TGFB2: variants seen among roughly 807,000 people sequenced by gnomAD.
TGFB2 encodes transforming growth factor beta 2.
A neutral mutation model predicts 42.7 loss-of-function variants in TGFB2; 13 were observed. That is an observed-to-expected ratio of 0.30 (90% CI 0.20 to 0.48). TGFB2 has a LOEUF of 0.48. Ranked by LOEUF, TGFB2 falls within the 20% of genes least tolerant of loss-of-function variation. TGFB2 has a pLI of 0.99. For missense variants in TGFB2, 390 were observed against 517.5 expected (o/e 0.75, Z 2.39); for synonymous variants, 193 against 193.6 (o/e 1.00, Z 0.03).
intron 1 of TGFB2, among the ~76,000 whole-genome samples, chr1:218,385,052 G>A (rs1340914595): frequency 6.6e-6 from 1 of 152,200 alleles, no homozygotes; most frequent in African/African-American, 2.4e-5. Flanking sequence ...TGGGATGGGT[G>A]TGGTGAGTGG....
At chr1:218,383,634 G>A (rs1482565082) in intron 1 of TGFB2, among the ~76,000 whole-genome samples, 1 of 152,172 alleles carries the variant, frequency 6.6e-6, no homozygotes. Context: ...GGCAGTCCTT[G>A]CAGAAGCCCT....
chr1:218,441,004 G>A (rs535314191), intron 6 of TGFB2, among the ~76,000 whole-genome samples, 200 bp from the exon 7 acceptor site: 5 of 152,304 alleles, frequency 3.3e-5, no homozygotes, highest in Non-Finnish European at 5.9e-5. Context: ...AACGAGTTCC[G>A]TGTGGGAAAA....
chr1:218,437,508 G>A lies in TGFB2; in HGVS notation c.1086+12G>A. The A allele has an allele frequency of 6.2e-7, 1 of 1,602,538 alleles. No individual in the cohort carries two copies. The highest frequency in any genetic ancestry group is 1.1e-5 in the South Asian group (1 of 88,150). Reference sequence around the variant, plus strand: ...CTCAGCACAGCAGGGTGAGTGTTCAGCTTACCTGTTGCCTCTGTTCTTGGG... The same window carrying A: ...CTCAGCACAGCAGGGTGAGTGTTCAACTTACCTGTTGCCTCTGTTCTTGGG... On this transcript the variant is annotated intron_variant, in intron 6 of 6. Transcript: ENST00000366930.
At chr1:218,436,491 C>A (rs899974701) in intron 5 of TGFB2, among the ~76,000 whole-genome samples, 11 of 152,292 alleles carry the variant, frequency 7.2e-5, no homozygotes, top group Admixed American at 7.2e-4. Context: ...TTAAGAAAGA[C>A]CCACCATCTG....
intron 1 of TGFB2, among the ~76,000 whole-genome samples, chr1:218,383,019 A>T (rs1168865807): frequency 1.3e-4 from 20 of 152,352 alleles, no homozygotes; most frequent in Admixed American, 1.3e-3. Context: ...GCCTACTGTA[A>T]ATTCTTTTTG....
rs59224313 is a variant in TGFB2, at chr1:218,379,487, CTT to C, written c.347-25669_347-25668del. Among the ~76,000 whole-genome samples the C allele has an allele frequency of 3.6e-3, 477 of 133,390 alleles. 2 individuals carry two copies. Among genetic ancestry groups the C allele is most frequent in the African/African-American group, 0.013 (458 of 36,280 alleles). 87.5% of individuals were successfully genotyped at this position (133,390 alleles called of 152,430 possible). On this transcript the variant is annotated intron_variant, in intron 1 of 6. Transcript: ENST00000366930. The stretch of plus-strand genomic sequence containing the variant: ...TTTCTTTTTCTTTCTTTCTTTCTTT[CTT>C]TTTTTTTTTTTTACTTCTGCGAGCC...
intron 1 of TGFB2, among the ~76,000 whole-genome samples, chr1:218,402,401 C>A (rs1286743123): frequency 5.9e-5 from 9 of 152,110 alleles, no homozygotes; most frequent in Admixed American, 2.0e-4. Flanking sequence ...TAAATATTTG[C>A]AAACTCCCCT....
At chr1:218,404,580 G>T (rs1442665597) in intron 1 of TGFB2, among the ~76,000 whole-genome samples, 1 of 152,184 alleles carries the variant, frequency 6.6e-6, no homozygotes, top group Non-Finnish European at 1.5e-5. Flanking sequence ...TCTGGTATAA[G>T]CTAGTACGTG....
intron 1 of TGFB2, among the ~76,000 whole-genome samples, chr1:218,377,562 T>G (rs577988577): frequency 6.6e-6 from 1 of 152,170 alleles, no homozygotes; most frequent in Non-Finnish European, 1.5e-5. Context: ...ATTCATTCAA[T>G]GTAGTCCTCC....
intron 1 of TGFB2, among the ~76,000 whole-genome samples, chr1:218,365,286 T>C (rs1657350722): frequency 6.6e-6 from 1 of 152,214 alleles, no homozygotes; most frequent in South Asian, 2.1e-4. Context: ...ATTTTGTAAC[T>C]TTCTTGCCTA....
intron 1 of TGFB2, among the ~76,000 whole-genome samples, chr1:218,371,639 C>T (rs1337529476): frequency 1.3e-5 from 2 of 152,210 alleles, no homozygotes; most frequent in African/African-American, 2.4e-5. Flanking sequence ...ACCTCCAAAG[C>T]ATGCAGTGAT....
At chr1:218,363,366 T>C (rs1471710697) in intron 1 of TGFB2, 1 of 1,614,024 alleles carries the variant, frequency 6.2e-7, no homozygotes, top group African/African-American at 1.3e-5. Context: ...ACCCTCTGGC[T>C]CAGTGGGCAG....
In TGFB2 at chr1:218,346,943, A is replaced by G. The variant is rs1358538309; in HGVS notation, c.242A>G (p.Lys81Arg). 2 of 1,614,072 alleles carry G rather than the reference A, an allele frequency of 1.2e-6. No homozygotes were observed. Among genetic ancestry groups the G allele is most frequent in the Admixed American group, 3.3e-5 (2 of 60,034 alleles). The change falls in exon 1 of 7, where the codon AAG becomes AGG. Residue 81 changes from lysine to arginine, a missense_variant. Lys to Arg is a conservative substitution (Grantham distance 26). Coordinates refer to ENST00000366930, the MANE Select transcript of TGFB2 (RefSeq NM_003238.6). This position sits in a 1 kb window ranked among gnomAD's most constrained non-coding sequence, Gnocchi z 4.9. ...YNSTRDLLQE[K>R]ASRRAAACER... ...AGCACCAGGGACTTGCTCCAGGAGA[A>G]GGCGAGCCGGAGGGCGGCCGCCTGC...
chr1:218,363,197 G>C, intron 1 of TGFB2: 1 of 705,562 alleles, frequency 1.4e-6, no homozygotes, highest in Non-Finnish European at 2.4e-6. Context: ...CCTGGCCCCA[G>C]GTAGCAGGGA....
At chr1:218,390,085 T>G (rs1658270929) in intron 1 of TGFB2, among the ~76,000 whole-genome samples, 1 of 152,224 alleles carries the variant, frequency 6.6e-6, no homozygotes, top group Non-Finnish European at 1.5e-5. Flanking sequence ...AACCACTGGC[T>G]TTAATCAAGA....
At chr1:218,347,642 C>G (rs984192289) in intron 1 of TGFB2, among the ~76,000 whole-genome samples, 1 of 152,148 alleles carries the variant, frequency 6.6e-6, no homozygotes, top group Non-Finnish European at 1.5e-5. Context: ...GCCCTCAGTC[C>G]TTGATGTATC....
At chr1:218,428,420 T>G (rs1025021904) in intron 2 of TGFB2, among the ~76,000 whole-genome samples, 18 of 152,358 alleles carry the variant, frequency 1.2e-4, no homozygotes, top group African/African-American at 3.8e-4. Flanking sequence ...CATGCCCATG[T>G]CCTGAATGGT....
intron 4 of TGFB2, among the ~76,000 whole-genome samples, chr1:218,434,921 C>G (rs1212255566): frequency 2.6e-5 from 4 of 152,158 alleles, no homozygotes; most frequent in Admixed American, 1.3e-4. Flanking sequence ...TCCACCTTTT[C>G]TAGTCCATAC....
intron 2 of TGFB2, among the ~76,000 whole-genome samples, chr1:218,433,400 G>A (rs1659870847): frequency 6.6e-6 from 1 of 152,176 alleles, no homozygotes; most frequent in South Asian, 2.1e-4. Context: ...TCAGTGTTTA[G>A]GCTGGTTTGC....
Sources: gnomAD v4.1 joint callset for allele counts (sites outside exome capture counted in the v4.1 genomes callset) on GRCh38, gnomAD v4.1.1 for gene constraint, Gnocchi (gnomAD v3.1) non-coding constraint, MANE v1.5 for transcripts, NCBI Gene and HGNC (gene_info 2026-07-23, HGNC 2026-07-21) for gene names.